RBM33: variants seen among roughly 807,000 people sequenced by gnomAD.
RBM33 encodes the protein RNA-binding protein 33.
A neutral mutation model predicts 132.6 loss-of-function variants in RBM33; 28 were observed. That is an observed-to-expected ratio of 0.21 (90% CI 0.16 to 0.29). The LOEUF (loss-of-function observed/expected upper bound fraction) is 0.29, where lower values mean the gene tolerates loss of function less well. Ranked by LOEUF, RBM33 falls within the 10% of genes least tolerant of loss-of-function variation. The pLI is 1.00. For synonymous variants in RBM33, 634 were observed against 593.0 expected (o/e 1.07, Z -1.01); for missense variants, 1,291 against 1,518.5 (o/e 0.85, Z 2.49).
At chr7:155,736,612 A>G (rs1244902974) in intron 9 of RBM33, among the ~76,000 whole-genome samples, 1 of 152,214 alleles carries the variant, frequency 6.6e-6, no homozygotes. Context: ...AAATTTTTTT[A>G]TCCAGAGGAC....
At chr7:155,650,733 G>A (rs1327623543) in intron 1 of RBM33, among the ~76,000 whole-genome samples, 1 of 151,996 alleles carries the variant, frequency 6.6e-6, no homozygotes, top group Non-Finnish European at 1.5e-5. Flanking sequence ...TCAATTTCCT[G>A]TATTATTATT....
intron 1 of RBM33, among the ~76,000 whole-genome samples, chr7:155,664,428 T>C (rs983219666): frequency 4.3e-5 from 6 of 139,536 alleles, no homozygotes; most frequent in Non-Finnish European, 6.1e-5. Flanking sequence ...GCCTGGCTGA[T>C]TTTTTTTTTT....
rs1802806186 is a variant in RBM33 at position 155,780,948 on chromosome 7, G to A, written c.*5907G>A. Reference sequence around the variant, plus strand: ...CGGCGTCCCGCAGTGTGCGGTTCGTGCCCTTAACCACCCGCTTCTTTGTTT... The same window carrying A: ...CGGCGTCCCGCAGTGTGCGGTTCGTACCCTTAACCACCCGCTTCTTTGTTT... On this transcript the variant is annotated 3_prime_UTR_variant, in exon 18 of 18. Transcript: ENST00000401878. The A allele has an allele frequency of 6.5e-6, 1 of 152,788 alleles. No homozygotes were observed. Among genetic ancestry groups the A allele is most frequent in the Admixed American group, 6.5e-5 (1 of 15,288 alleles). 9.5% of individuals were successfully genotyped at this position (152,788 alleles called of 1,614,324 possible).
intron 14 of RBM33, among the ~76,000 whole-genome samples, chr7:155,754,512 G>A (rs1350448610): frequency 6.6e-6 from 1 of 152,224 alleles, no homozygotes. Flanking sequence ...ATAAGCCACA[G>A]CATCTGGAGG....
At chr7:155,725,200 GTTGTTTT>G (rs746745713) in intron 9 of RBM33, among the ~76,000 whole-genome samples, 5 of 93,376 alleles carry the variant, frequency 5.4e-5, no homozygotes, top group African/African-American at 2.3e-4. Flanking sequence ...TCCTTTTTTA[GTTGTTTT>G]TTTTTTTTTT....
chr7:155,703,789 GTTTA>G (rs1367630226), intron 6 of RBM33, among the ~76,000 whole-genome samples: 1 of 152,258 alleles, frequency 6.6e-6, no homozygotes, highest in South Asian at 2.1e-4. Flanking sequence ...TTACACATCA[GTTTA>G]TTTGTGTGCT....
intron 14 of RBM33, among the ~76,000 whole-genome samples, chr7:155,752,344 C>T (rs550339197): frequency 3.9e-5 from 6 of 152,128 alleles, no homozygotes; most frequent in Non-Finnish European, 8.8e-5. Context: ...AGGAAAATGG[C>T]TCATACAGAT....
At position 155,745,257 on chromosome 7, in the gene RBM33, C is replaced by T; in HGVS notation, c.2634C>T (p.Asn878=). The change falls in exon 14 of 18, where the codon AAC becomes AAT. Residue 878 remains asparagine (N), a synonymous_variant. Coordinates refer to ENST00000401878, the MANE Select transcript of RBM33 (RefSeq NM_053043.3). The surrounding 1 kb of genome is among the most constrained non-coding windows in gnomAD (Gnocchi z 4.1). ...QNVKNRLLVK[N]QDVSISNVQP... ...TGAAGAACAGACTTCTTGTTAAAAA[C>T]CAGGATGTCAGTATTTCAAACGTTC... The T allele has an allele frequency of 6.2e-7, 1 of 1,612,786 alleles. No individual in the cohort carries two copies. The highest frequency in any genetic ancestry group is 8.5e-7 in the Non-Finnish European group (1 of 1,179,352).
rs181921287 is a variant in RBM33 at position 155,766,514 on chromosome 7, G to A, written c.3234G>A (p.Arg1078=). The A allele has an allele frequency of 1.4e-4, 234 of 1,613,816 alleles. 1 individual carries two copies. The East Asian group carries it at 5.2e-3, about 36-fold the overall frequency. Residue 1078 remains arginine, a synonymous_variant, in exon 16 of 18, where the codon CGG becomes CGA. Coordinates refer to ENST00000401878, the MANE Select transcript of RBM33 (RefSeq NM_053043.3). ...GAGGAGTGGCCGGTCCCATGGGCCG[G>A]GGGCGCCTGATGCCAAACAAGCAGA... ...RGRGVAGPMG[R]GRLMPNKQNL... is the part of the protein sequence containing the mutation.
In RBM33 at chr7:155,735,836, C is replaced by T. The variant is rs140393392; in HGVS notation, c.1261-1694C>T. Among the ~76,000 whole-genome samples the T allele has an allele frequency of 6.7e-3, 1,019 of 152,282 alleles. 10 individuals are homozygous for T. The highest frequency in any genetic ancestry group is 0.019 in the South Asian group (91 of 4,830). ...AGACCATGTATATGATATGTATTCT[C>T]ACTTACAAATATATTCCTCAGTTAC... On this transcript the variant is annotated intron_variant, in intron 9 of 17. Transcript: ENST00000401878.
chr7:155,720,777 G>A (rs139431723), intron 9 of RBM33, among the ~76,000 whole-genome samples: 94 of 152,318 alleles, frequency 6.2e-4, no homozygotes, highest in African/African-American at 2.2e-3. Context: ...GGTGCTGCAG[G>A]CTCTGTCTTG....
chr7:155,769,879 C>A (rs1802358817), intron 16 of RBM33, among the ~76,000 whole-genome samples: 1 of 152,168 alleles, frequency 6.6e-6, no homozygotes, highest in African/African-American at 2.4e-5. Flanking sequence ...TGATGGGAAG[C>A]CACAACGGAA....
chr7:155,755,185 G>A (rs1801810053), intron 14 of RBM33, among the ~76,000 whole-genome samples: 1 of 152,226 alleles, frequency 6.6e-6, no homozygotes, highest in African/African-American at 2.4e-5. Flanking sequence ...AACCTGTTCA[G>A]TGAGGTCTCT....
chr7:155,648,657 T>C (rs1798267791), intron 1 of RBM33, among the ~76,000 whole-genome samples: 1 of 152,162 alleles, frequency 6.6e-6, no homozygotes, highest in African/African-American at 2.4e-5. Context: ...TCTTTCATGC[T>C]TAATTTCTTA....
intron 5 of RBM33, among the ~76,000 whole-genome samples, chr7:155,693,520 A>G (rs1043143602): frequency 6.6e-6 from 1 of 151,924 alleles, no homozygotes; most frequent in African/African-American, 2.4e-5. Context: ...TTTAATTTTA[A>G]ATTTACTGTT....
In RBM33 at chr7:155,763,961, A is replaced by G; in HGVS notation, c.3129A>G (p.Ala1043=). ...CACATCTGCCAGCGGGGCCCCACGC[A>G]CACTCGCCTGTCCCTCCAGGGATCA... is the stretch of plus-strand genomic sequence containing the variant. ...QPPHLPAGPH[A]HSPVPPGIKS... is the part of the protein sequence containing the mutation. Residue 1043 remains alanine, a synonymous_variant, in exon 15 of 18, where the codon GCA becomes GCG. Transcript: ENST00000401878. 6.3e-7 allele frequency: 1 copy of G among 1,597,092 alleles called. No individual in the cohort carries two copies. The highest frequency in any genetic ancestry group is 2.3e-5 in the East Asian group (1 of 44,194).
intron 3 of RBM33, among the ~76,000 whole-genome samples, chr7:155,677,260 C>T (rs1420434894): frequency 2.1e-5 from 3 of 146,248 alleles, no homozygotes; most frequent in Non-Finnish European, 3.0e-5. Flanking sequence ...GTTCTTGTTT[C>T]CCAGGCTGGA....
At chr7:155,711,678 C>T (rs1037837601) in intron 8 of RBM33, among the ~76,000 whole-genome samples, 1 of 152,146 alleles carries the variant, frequency 6.6e-6, no homozygotes, top group Non-Finnish European at 1.5e-5. Context: ...CGGTTCCCAG[C>T]CCCGATGATT....
At chr7:155,772,706 A>T (rs909896956) in intron 16 of RBM33, among the ~76,000 whole-genome samples, 2 of 152,202 alleles carry the variant, frequency 1.3e-5, no homozygotes, top group African/African-American at 4.8e-5. Context: ...AAAAAAACAG[A>T]CCAATTCCGT....
Sources: allele counts gnomAD v4.1 joint callset (sites outside exome capture counted in the v4.1 genomes callset), GRCh38; gene constraint gnomAD v4.1.1; non-coding constraint Gnocchi (gnomAD v3.1); transcripts MANE v1.5; gene names NCBI Gene and HGNC (gene_info 2026-07-23, HGNC 2026-07-21).